The following PLXNA4 variants were observed in gnomAD, a reference collection of about 807,000 sequenced individuals.
The protein encoded by PLXNA4 is plexin A4.
A neutral mutation model predicts 191.8 loss-of-function variants in PLXNA4; 44 were observed. The ratio of observed to expected loss-of-function variants is 0.23; its 90% CI spans 0.18 to 0.29. The LOEUF (loss-of-function observed/expected upper bound fraction) is 0.29, where lower values mean the gene tolerates loss of function less well. Among genes scored for constraint, PLXNA4 ranks in the 10% least tolerant of loss-of-function variants. The pLI is 1.00. For missense variants in PLXNA4, 1,800 were observed against 2,488.8 expected, an observed-to-expected ratio of 0.72 and a Z score of 5.89; for synonymous variants, 1,082 against 1,009.5, an observed-to-expected ratio of 1.07 and a Z score of -1.36.
intron 3 of PLXNA4, among the ~76,000 whole-genome samples, chr7:132,304,623 A>G (rs1007187669): frequency 6.6e-6 from 1 of 152,144 alleles, no homozygotes; most frequent in African/African-American, 2.4e-5. Context: ...GGTGCTCACT[A>G]TGTGGCCAGA....
chr7:132,350,118 G>T (rs1019049666), intron 3 of PLXNA4, among the ~76,000 whole-genome samples: 7 of 152,166 alleles, frequency 4.6e-5, no homozygotes, highest in Non-Finnish European at 8.8e-5. Context: ...AGGGGTTCAA[G>T]ATGATCTGGT....
At chr7:132,187,181 G>A (rs1021177045) in intron 15 of PLXNA4, among the ~76,000 whole-genome samples, 8 of 151,682 alleles carry the variant, frequency 5.3e-5, no homozygotes, top group African/African-American at 9.7e-5. Flanking sequence ...CTAACCCCCC[G>A]CCTGCCAAAT....
At chr7:132,523,877 G>T (rs1225833270) in intron 1 of PLXNA4, among the ~76,000 whole-genome samples, 1 of 152,128 alleles carries the variant, frequency 6.6e-6, no homozygotes, top group East Asian at 1.9e-4. Flanking sequence ...GGAAATCAGG[G>T]CAGTGGAGCA....
chr7:132,513,645 T>C (rs1798823104), intron 1 of PLXNA4, among the ~76,000 whole-genome samples: 2 of 103,374 alleles, frequency 1.9e-5, no homozygotes, highest in East Asian at 5.2e-4. Flanking sequence ...GAGTCACAGG[T>C]GTTTTTTGTT....
rs1418933312 is a variant in PLXNA4, at chr7:132,123,734, C to CT, written c.*6744dup. 2 of 152,144 alleles carry CT rather than the reference C, an allele frequency of 1.3e-5. No homozygotes were observed. Among genetic ancestry groups the CT allele is most frequent in the Non-Finnish European group, 2.9e-5 (2 of 68,026 alleles). 9.4% of individuals were successfully genotyped at this position (152,144 alleles called of 1,614,324 possible). ...AGTTTGAAACAGAAGTGGGATGGGGCTGGAAGGGGGTGACTGGAACAGAGA... is the reference window on the plus strand; with the variant it reads ...AGTTTGAAACAGAAGTGGGATGGGGCTTGGAAGGGGGTGACTGGAACAGAGA... On this transcript the variant is annotated 3_prime_UTR_variant, in exon 32 of 32. Transcript: ENST00000321063.
intron 2 of PLXNA4, among the ~76,000 whole-genome samples, chr7:132,593,594 C>T (rs1412681394): frequency 6.6e-6 from 1 of 152,188 alleles, no homozygotes; most frequent in Non-Finnish European, 1.5e-5. Context: ...TGGGTGCAGG[C>T]GTGGCTGCAG....
chr7:132,482,800 C>A (rs1797390350), intron 3 of PLXNA4, among the ~76,000 whole-genome samples: 2 of 151,098 alleles, frequency 1.3e-5, no homozygotes, highest in African/African-American at 4.9e-5. Context: ...TCAAGAGATT[C>A]TCCTGCCTCA....
intron 4 of PLXNA4, among the ~76,000 whole-genome samples, chr7:132,272,162 C>T (rs1477649748): frequency 2.0e-5 from 3 of 152,168 alleles, no homozygotes; most frequent in Admixed American, 6.5e-5. Context: ...CAGGAATCAT[C>T]GCAAACATGT....
At chr7:132,490,131 G>C (rs1383217872) in intron 2 of PLXNA4, among the ~76,000 whole-genome samples, 7 of 152,230 alleles carry the variant, frequency 4.6e-5, no homozygotes, top group Non-Finnish European at 8.8e-5. Flanking sequence ...TGCTTTATGA[G>C]CTCCGACCTC....
intron 3 of PLXNA4, among the ~76,000 whole-genome samples, chr7:132,303,559 A>G (rs969083597): frequency 2.6e-5 from 4 of 152,068 alleles, no homozygotes; most frequent in Non-Finnish European, 5.9e-5. Context: ...ACAGAGCAAG[A>G]CTCCGTCTCA....
chr7:132,218,980 A>C (rs1477750972), intron 9 of PLXNA4, among the ~76,000 whole-genome samples: 1 of 152,164 alleles, frequency 6.6e-6, no homozygotes, highest in Non-Finnish European at 1.5e-5. Flanking sequence ...GGAAAAAAAA[A>C]AGGTAATTCA....
intron 3 of PLXNA4, among the ~76,000 whole-genome samples, chr7:132,323,612 G>A (rs574605746): frequency 6.6e-6 from 1 of 152,232 alleles, no homozygotes; most frequent in African/African-American, 2.4e-5. Context: ...CCATGCCAGG[G>A]AGTCTTCTGA....
chr7:132,609,854 G>A (rs1803013109), intron 2 of PLXNA4, among the ~76,000 whole-genome samples: 1 of 152,322 alleles, frequency 6.6e-6, no homozygotes, highest in East Asian at 1.9e-4. Context: ...TCTGCGTCCT[G>A]TAGGGCCAAC....
chr7:132,616,284 T>C (rs1803156344), intron 2 of PLXNA4, among the ~76,000 whole-genome samples: 1 of 152,216 alleles, frequency 6.6e-6, no homozygotes, highest in African/African-American at 2.4e-5. Flanking sequence ...TTCAGCTTCC[T>C]CTGTCTACCT....
At chr7:132,161,710 C>T (rs184603052) in intron 24 of PLXNA4, among the ~76,000 whole-genome samples, 383 of 152,066 alleles carry the variant, frequency 2.5e-3, no homozygotes, top group Admixed American at 3.7e-3. Context: ...GGCAGGCTCC[C>T]GGGCGGGCAC....
At chr7:132,453,698 T>C (rs1796213478) in intron 3 of PLXNA4, among the ~76,000 whole-genome samples, 1 of 152,090 alleles carries the variant, frequency 6.6e-6, no homozygotes, top group Admixed American at 6.5e-5. Flanking sequence ...CGTGCCACCA[T>C]GCCCAGCTAA....
intron 3 of PLXNA4, among the ~76,000 whole-genome samples, chr7:132,398,273 T>TA (rs1793840781): frequency 6.6e-6 from 1 of 152,222 alleles, no homozygotes; most frequent in Non-Finnish European, 1.5e-5. Context: ...AACCTGCCAT[T>TA]TTCATTATTG....
chr7:132,395,586 G>C (rs1012332788), intron 3 of PLXNA4, among the ~76,000 whole-genome samples: 1 of 152,226 alleles, frequency 6.6e-6, no homozygotes, highest in African/African-American at 2.4e-5. Context: ...ACATGCTGCT[G>C]GGCAGAACCA....
intron 27 of PLXNA4, among the ~76,000 whole-genome samples, chr7:132,146,982 TA>T (rs1795454799): frequency 6.6e-6 from 1 of 152,230 alleles, no homozygotes; most frequent in African/African-American, 2.4e-5. Context: ...TTTGTAAAAA[TA>T]TAAGCCTGTA....
Sources: gnomAD v4.1 joint callset for allele counts (sites outside exome capture counted in the v4.1 genomes callset) on GRCh38, gnomAD v4.1.1 for gene constraint, MANE v1.5 for transcripts, NCBI Gene and HGNC (gene_info 2026-07-23, HGNC 2026-07-21) for gene names.